Variants in PPM1D observed in about 807,000 individuals in gnomAD.
PPM1D encodes the protein protein phosphatase, Mg2+/Mn2+ dependent 1D.
PPM1D carries 52 observed loss-of-function variants against 58.3 expected under a neutral mutation model. The ratio of observed to expected loss-of-function variants is 0.89; its 90% CI spans 0.71 to 1.12. The LOEUF is 1.12. PPM1D is among the 50% of genes most tolerant of loss of function. The pLI, the probability that PPM1D is intolerant of heterozygous loss-of-function variation, is 0.00. For synonymous variants in PPM1D, 278 were observed against 285.1 expected (o/e 0.98, Z 0.25); for missense variants, 564 against 777.2 (o/e 0.73, Z 3.26).
chr17:60,605,233 T>G (rs1467322274), intron 1 of PPM1D, among the ~76,000 whole-genome samples: 1 of 152,220 alleles, frequency 6.6e-6, no homozygotes, highest in African/African-American at 2.4e-5. Context: ...ACCAGTAGTT[T>G]ACCAGCCATT....
In PPM1D at chr17:60,600,775, T is replaced by G; in HGVS notation, c.361T>G (p.Trp121Gly). 6.2e-7 allele frequency: 1 copy of G among 1,612,674 alleles called. No homozygotes were observed. Among genetic ancestry groups the G allele is most frequent in the Non-Finnish European group, 8.5e-7 (1 of 1,179,920 alleles). ...EAAQFAREHLWGFIKKQKGFT... is the reference protein window; with the variant it reads ...EAAQFAREHLGGFIKKQKGFT... ...GGCACAGTTTGCCCGGGAGCACTTG[T>G]GGGGTTTCATCAAGAAGCAGAAGGG... The change falls in exon 1 of 6, where the codon TGG becomes GGG. Residue 121 changes from tryptophan (W) to glycine (G), a missense_variant. Around this residue, in one of 7 missense-constraint regions of PPM1D, gnomAD observed 23 missense variants for 28.9 expected, o/e 0.80. Transcript: ENST00000305921.
intron 4 of PPM1D, among the ~76,000 whole-genome samples, chr17:60,654,932 G>A (rs1598412888): frequency 1.3e-5 from 2 of 151,780 alleles, no homozygotes; most frequent in East Asian, 3.9e-4. Flanking sequence ...ATTTCCTGGA[G>A]TACATCATTT....
In PPM1D at chr17:60,663,746, A is replaced by G. The variant is rs2031573911; in HGVS notation, c.*194A>G. ...ATGTGGATTTTGTAGATGTTAGGGTATAAGTTGCTGTAAAATTTGTGTAAA... is the reference window on the plus strand; with the variant it reads ...ATGTGGATTTTGTAGATGTTAGGGTGTAAGTTGCTGTAAAATTTGTGTAAA... On this transcript the variant is annotated 3_prime_UTR_variant, in exon 6 of 6. Coordinates refer to ENST00000305921, the MANE Select transcript of PPM1D (RefSeq NM_003620.4). 3.3e-6 allele frequency: 2 copies of G among 599,140 alleles called. No individual in the cohort carries two copies. The highest frequency in any genetic ancestry group is 3.0e-5 in the East Asian group (1 of 33,684). 37.1% of individuals were successfully genotyped at this position (599,140 alleles called of 1,614,324 possible).
At chr17:60,652,360 TA>T (rs1282968460) in intron 4 of PPM1D, among the ~76,000 whole-genome samples, 2 of 152,024 alleles carry the variant, frequency 1.3e-5, no homozygotes, top group African/African-American at 4.8e-5. Context: ...TGTATGTGTA[TA>T]TACACCACAT....
intron 5 of PPM1D, among the ~76,000 whole-genome samples, chr17:60,659,810 T>C (rs1202445741): frequency 6.6e-6 from 1 of 152,220 alleles, no homozygotes; most frequent in African/African-American, 2.4e-5. Context: ...TGCTAACAGA[T>C]ACAATGTATT....
At chr17:60,618,526 T>C (rs1212763690) in intron 1 of PPM1D, among the ~76,000 whole-genome samples, 1 of 152,214 alleles carries the variant, frequency 6.6e-6, no homozygotes, top group East Asian at 1.9e-4. Flanking sequence ...TTTAAATTAG[T>C]ATTTCTCTGA....
intron 5 of PPM1D, among the ~76,000 whole-genome samples, chr17:60,659,317 G>A (rs2031489853): frequency 1.3e-5 from 2 of 152,212 alleles, no homozygotes; most frequent in African/African-American, 4.8e-5. Context: ...AACAGTCAGA[G>A]ACTTAATCAC....
At chr17:60,645,657 T>C (rs1360270626) in intron 3 of PPM1D, among the ~76,000 whole-genome samples, 5 of 141,704 alleles carry the variant, frequency 3.5e-5, no homozygotes, top group East Asian at 4.1e-4. Flanking sequence ...TATATATATA[T>C]ATACACACAC....
chr17:60,659,025 C>T (rs940884801), intron 5 of PPM1D, among the ~76,000 whole-genome samples: 5 of 152,094 alleles, frequency 3.3e-5, no homozygotes, highest in African/African-American at 7.2e-5. Flanking sequence ...GATAAGAAGA[C>T]GTATGTTTGC....
intron 1 of PPM1D, among the ~76,000 whole-genome samples, chr17:60,611,404 TTATG>T (rs2030451830): frequency 6.6e-6 from 1 of 151,980 alleles, no homozygotes; most frequent in Non-Finnish European, 1.5e-5. Flanking sequence ...TAGAAATTCT[TTATG>T]TATTTTGTGG....
intron 4 of PPM1D, among the ~76,000 whole-genome samples, chr17:60,652,369 C>T (rs563556061): frequency 4.5e-4 from 68 of 152,052 alleles, no homozygotes; most frequent in African/African-American, 1.6e-3. Flanking sequence ...ATATACACCA[C>T]ATTTTCTTTA....
chr17:60,617,436 GGAGGCT>G (rs1298410243), intron 1 of PPM1D, among the ~76,000 whole-genome samples: 2 of 151,950 alleles, frequency 1.3e-5, no homozygotes, highest in Admixed American at 1.3e-4. Context: ...CAGCTGCTTG[GGAGGCT>G]GAGGCAGGAG....
chr17:60,635,836 T>C (rs1042703295), intron 3 of PPM1D, among the ~76,000 whole-genome samples: 4 of 152,250 alleles, frequency 2.6e-5, no homozygotes, highest in African/African-American at 4.8e-5. Context: ...GTATTAGTTA[T>C]CTATTGCTGT....
chr17:60,619,485 A>G (rs553224272), intron 1 of PPM1D, among the ~76,000 whole-genome samples: 1 of 152,270 alleles, frequency 6.6e-6, no homozygotes, highest in South Asian at 2.1e-4. Flanking sequence ...AGCTATGCCA[A>G]TTTACATTTC....
chr17:60,635,910 C>T (rs1195695550), intron 3 of PPM1D, among the ~76,000 whole-genome samples: 2 of 152,188 alleles, frequency 1.3e-5, no homozygotes, highest in Non-Finnish European at 2.9e-5. Flanking sequence ...TCCTCCGGCT[C>T]AGGAACCCGG....
chr17:60,664,710 T>A lies in PPM1D; in HGVS notation c.*1158T>A, dbSNP rs536234750. 2 of 152,334 alleles carry A rather than the reference T, an allele frequency of 1.3e-5. No homozygotes were observed. The highest frequency in any genetic ancestry group is 4.8e-5 in the African/African-American group (2 of 41,582). 9.4% of individuals were successfully genotyped at this position (152,334 alleles called of 1,614,324 possible). ...GTTTCTGATTCTGGAGCATTTTGGA[T>A]TTTGGATTTTCAGATTAGGGATGCT... On this transcript the variant is annotated 3_prime_UTR_variant, in exon 6 of 6. Coordinates refer to ENST00000305921, the MANE Select transcript of PPM1D (RefSeq NM_003620.4).
At chr17:60,641,337 C>G (rs1420476526) in intron 3 of PPM1D, among the ~76,000 whole-genome samples, 2 of 152,132 alleles carry the variant, frequency 1.3e-5, no homozygotes, top group Admixed American at 1.3e-4. Context: ...TTTGCGTTCT[C>G]TAATGATTAC....
chr17:60,600,794 A>G lies in PPM1D; in HGVS notation c.380A>G (p.Gln127Arg). Residue 127 changes from glutamine (Q) to arginine (R), a missense_variant, in exon 1 of 6, where the codon CAG becomes CGG. Around this residue, in one of 7 missense-constraint regions of PPM1D, gnomAD observed 23 missense variants for 28.9 expected, o/e 0.80. Coordinates refer to ENST00000305921, the MANE Select transcript of PPM1D (RefSeq NM_003620.4). ...CACTTGTGGGGTTTCATCAAGAAGC[A>G]GAAGGGTTTCACCTCGTCCGAGCCG... is the stretch of plus-strand genomic sequence containing the variant. ...REHLWGFIKK[Q>R]KGFTSSEPAK... The G allele has an allele frequency of 6.2e-7, 1 of 1,612,986 alleles. No homozygotes were observed. The highest frequency in any genetic ancestry group is 2.2e-5 in the East Asian group (1 of 44,832).
At chr17:60,645,646 G>GTGTATA (rs1555647710) in intron 3 of PPM1D, among the ~76,000 whole-genome samples, 1 of 126,574 alleles carries the variant, frequency 7.9e-6, no homozygotes, top group African/African-American at 3.5e-5. Context: ...GTGTGTGTGT[G>GTGTATA]TATATATATA....
Sources: gnomAD v4.1 joint callset for allele counts (sites outside exome capture counted in the v4.1 genomes callset) on GRCh38, gnomAD v4.1.1 for gene constraint, gnomAD v4.1.1 regional missense constraint, MANE v1.5 for transcripts, NCBI Gene and HGNC (gene_info 2026-07-23, HGNC 2026-07-21) for gene names.